AKAP12: variants seen among roughly 807,000 people sequenced by gnomAD.
The protein encoded by AKAP12 is A-kinase anchor protein 12.
A neutral mutation model predicts 79.9 loss-of-function variants in AKAP12; 32 were observed. The observed-to-expected ratio is 0.40, with a 90% CI of 0.30 to 0.54. The LOEUF (loss-of-function observed/expected upper bound fraction) is 0.54, where lower values mean the gene tolerates loss of function less well. Ranked by LOEUF, AKAP12 falls within the 20% of genes least tolerant of loss-of-function variation. The probability of loss-of-function intolerance (pLI) is 0.48; values close to 1 mark genes in which losing one functional copy is unlikely to be tolerated. For synonymous variants in AKAP12, 808 were observed against 857.0 expected, an observed-to-expected ratio of 0.94 and a Z score of 1.00; for missense variants, 2,074 against 2,177.0, an observed-to-expected ratio of 0.95 and a Z score of 0.94.
At chr6:151,286,132 C>A (rs1776500854) in intron 2 of AKAP12, among the ~76,000 whole-genome samples, 1 of 152,080 alleles carries the variant, frequency 6.6e-6, no homozygotes, top group Non-Finnish European at 1.5e-5. Context: ...CCTGCTTTGG[C>A]CTCCCAAAGT....
chr6:151,328,183 C>T (rs1777576798), intron 3 of AKAP12, among the ~76,000 whole-genome samples: 1 of 150,840 alleles, frequency 6.6e-6, no homozygotes, highest in Admixed American at 6.7e-5. Flanking sequence ...AAAAAATTAG[C>T]CGGGTGTGGT....
Position 151,240,635 on chromosome 6 carries a change from C to G in AKAP12, c.73C>G (p.Pro25Ala). 1 of 1,360,756 alleles carries G rather than the reference C, an allele frequency of 7.3e-7. No individual in the cohort carries two copies. Among genetic ancestry groups the G allele is most frequent in the Non-Finnish European group, 9.4e-7 (1 of 1,060,696 alleles). The allele number at this position is 1,360,756 out of a possible 1,614,324, so 84.3% of individuals were successfully genotyped here. ...CGAGGGGAGCTCCACGCCGGCTGAGCCCGAGCCCAGCGGCGGCGGCCCCTC... is the reference window on the plus strand; with the variant it reads ...CGAGGGGAGCTCCACGCCGGCTGAGGCCGAGCCCAGCGGCGGCGGCCCCTC... ...PPEGSSTPAE[P>A]EPSGGGPSAE... is the part of the protein sequence containing the mutation. The change falls in exon 2 of 5, where the codon CCC becomes GCC. Residue 25 changes from proline to alanine, a missense_variant. Pro to Ala is a conservative substitution (Grantham distance 27). Transcript: ENST00000402676.
Position 151,351,440 on chromosome 6 carries a change from G to A in AKAP12, c.3049G>A (p.Glu1017Lys). 1 of 1,614,240 alleles carries A rather than the reference G, an allele frequency of 6.2e-7. No homozygotes were observed. Among genetic ancestry groups the A allele is most frequent in the Non-Finnish European group, 8.5e-7 (1 of 1,180,040 alleles). ...GTTAACCGACTCCCCAGACACCACA[G>A]AGGAGGCCACTCCGGTGCAGGAGGT... ...SQLTDSPDTTEEATPVQEVEG... is the reference protein window; with the variant it reads ...SQLTDSPDTTKEATPVQEVEG... Residue 1017 changes from glutamate (E) to lysine (K), a missense_variant, in exon 4 of 5, where the codon GAG (glutamate) becomes AAG (lysine). By Grantham distance (56) the Glu-to-Lys change is moderately conservative. Transcript: ENST00000402676. The surrounding 1 kb of genome is among the most constrained non-coding windows in gnomAD (Gnocchi z 4.4).
chr6:151,323,119 C>T (rs934789992), intron 3 of AKAP12, among the ~76,000 whole-genome samples: 2 of 152,170 alleles, frequency 1.3e-5, no homozygotes, highest in African/African-American at 2.4e-5. Context: ...CACAGAGGCT[C>T]GCTGGGCAGC....
intron 2 of AKAP12, among the ~76,000 whole-genome samples, chr6:151,303,244 T>G (rs1776899438): frequency 6.6e-6 from 1 of 152,200 alleles, no homozygotes; most frequent in Non-Finnish European, 1.5e-5. Context: ...ATGGGCTTTG[T>G]GGAGACACAC....
chr6:151,274,623 A>T (rs1229622716), intron 2 of AKAP12, among the ~76,000 whole-genome samples: 4 of 152,214 alleles, frequency 2.6e-5, no homozygotes. Context: ...AGAAAGATTT[A>T]AAAATATAAC....
chr6:151,302,177 A>AT (rs1465756744), intron 2 of AKAP12, among the ~76,000 whole-genome samples: 1 of 151,482 alleles, frequency 6.6e-6, no homozygotes, highest in African/African-American at 2.4e-5. Flanking sequence ...CACTTGGCTA[A>AT]TTTTTTGCAT....
Position 151,349,116 on chromosome 6 carries a change from C to T in AKAP12, c.725C>T (p.Thr242Ile). The T allele has an allele frequency of 6.2e-7, 1 of 1,613,578 alleles. No homozygotes were observed. Among genetic ancestry groups the T allele is most frequent in the Non-Finnish European group, 8.5e-7 (1 of 1,179,968 alleles). The change falls in exon 4 of 5, where the codon ACC becomes ATC. Residue 242 changes from threonine to isoleucine, a missense_variant. Physicochemically the swap from Thr to Ile is moderately conservative, Grantham distance 89. Around this residue, in one of 3 missense-constraint regions of AKAP12, gnomAD observed 1,428 missense variants for 1,451.0 expected, o/e 0.98. Coordinates refer to ENST00000402676, the MANE Select transcript of AKAP12 (RefSeq NM_005100.4). ...PKQSTEKPEETLKREQSHAEI... is the reference protein window; with the variant it reads ...PKQSTEKPEEILKREQSHAEI... ...CAATCTACAGAGAAACCCGAAGAGACCCTGAAGCGTGAGCAAAGCCACGCA... is the reference window on the plus strand; with the variant it reads ...CAATCTACAGAGAAACCCGAAGAGATCCTGAAGCGTGAGCAAAGCCACGCA...
At chr6:151,326,013 C>G (rs1335701782) in intron 3 of AKAP12, 6 of 1,278,236 alleles carry the variant, frequency 4.7e-6, no homozygotes, top group Non-Finnish European at 6.7e-6. Context: ...CCGTTATTGG[C>G]ATTTATTTCT....
At chr6:151,329,646 G>A (rs1777618688) in intron 3 of AKAP12, among the ~76,000 whole-genome samples, 1 of 152,152 alleles carries the variant, frequency 6.6e-6, no homozygotes. Flanking sequence ...TTGCACATGG[G>A]TGTTTCACAT....
intron 2 of AKAP12, among the ~76,000 whole-genome samples, chr6:151,261,295 C>T (rs186165199): frequency 2.3e-3 from 347 of 151,034 alleles, no homozygotes; most frequent in Non-Finnish European, 3.2e-3. Flanking sequence ...TCGTTTGAAC[C>T]GGGAGGCAGA....
intron 2 of AKAP12, among the ~76,000 whole-genome samples, chr6:151,246,883 T>A (rs1317527126): frequency 6.6e-6 from 1 of 152,178 alleles, no homozygotes; most frequent in Non-Finnish European, 1.5e-5. Context: ...TACTTCAGCC[T>A]CCTGAGTAGC....
intron 4 of AKAP12, among the ~76,000 whole-genome samples, chr6:151,354,769 TA>T (rs1343807843): frequency 6.6e-6 from 1 of 152,118 alleles, no homozygotes; most frequent in Non-Finnish European, 1.5e-5. Flanking sequence ...CTTCCTGGGC[TA>T]AAGCAAATCG....
At chr6:151,288,701 C>A (rs527303264) in intron 2 of AKAP12, among the ~76,000 whole-genome samples, 1 of 152,262 alleles carries the variant, frequency 6.6e-6, no homozygotes, top group South Asian at 2.1e-4. Context: ...TCCCACCCTA[C>A]CCCCGTTCAG....
chr6:151,309,211 C>G (rs1179288263), intron 3 of AKAP12, among the ~76,000 whole-genome samples: 2 of 152,134 alleles, frequency 1.3e-5, no homozygotes, highest in Non-Finnish European at 2.9e-5. Context: ...TTCCAGAAAT[C>G]AGAATTCTAT....
At position 151,349,536 on chromosome 6, in the gene AKAP12, A is replaced by G; in HGVS notation, c.1145A>G (p.Glu382Gly). Reference sequence around the variant, plus strand: ...TATGAGAAAGTTGAGCTGCCCTCAGAGGAGCAAGTCAGTGGCTCGCAGGGA... The same window carrying G: ...TATGAGAAAGTTGAGCTGCCCTCAGGGGAGCAAGTCAGTGGCTCGCAGGGA... ...AEYEKVELPS[E>G]EQVSGSQGPS... is the part of the protein sequence containing the mutation. The change falls in exon 4 of 5, where the codon GAG becomes GGG. Residue 382 changes from glutamate (E) to glycine (G), a missense_variant. Coordinates refer to ENST00000402676, the MANE Select transcript of AKAP12 (RefSeq NM_005100.4). 6.2e-7 allele frequency: 1 copy of G among 1,612,004 alleles called. No individual in the cohort carries two copies. Among genetic ancestry groups the G allele is most frequent in the South Asian group, 1.1e-5 (1 of 91,016 alleles).
At chr6:151,310,475 G>T (rs1777070295) in intron 3 of AKAP12, among the ~76,000 whole-genome samples, 1 of 152,198 alleles carries the variant, frequency 6.6e-6, no homozygotes, top group South Asian at 2.1e-4. Flanking sequence ...TGGGGGCGGT[G>T]GCTCACGCCT....
At chr6:151,320,989 T>TTTC (rs1360644247) in intron 3 of AKAP12, among the ~76,000 whole-genome samples, 44 of 151,640 alleles carry the variant, frequency 2.9e-4, no homozygotes, top group African/African-American at 1.1e-3. Context: ...CTTTTCTTTC[T>TTTC]TTCTTTTTTT....
chr6:151,341,640 C>T (rs1253065480), intron 3 of AKAP12: 4 of 1,067,464 alleles, frequency 3.7e-6, no homozygotes, highest in African/African-American at 1.7e-5. Flanking sequence ...TGGGCTGCCC[C>T]TGCCGGCGGG....
Sources: allele counts gnomAD v4.1 joint callset (sites outside exome capture counted in the v4.1 genomes callset), GRCh38; gene constraint gnomAD v4.1.1; regional missense constraint gnomAD v4.1.1; non-coding constraint Gnocchi (gnomAD v3.1); transcripts MANE v1.5; gene names NCBI Gene and HGNC (gene_info 2026-07-23, HGNC 2026-07-21).